Variants in LRP8 observed in about 807,000 individuals in gnomAD.
The protein encoded by LRP8 is LDL receptor related protein 8.
A neutral mutation model predicts 111.6 loss-of-function variants in LRP8; 46 were observed. That is an observed-to-expected ratio of 0.41 (90% CI 0.33 to 0.53). LRP8 has a LOEUF of 0.53. LRP8 is among the 20% of genes least tolerant of loss of function. The pLI is 0.20. For synonymous variants in LRP8, 464 were observed against 511.2 expected (o/e 0.91, Z 1.24); for missense variants, 959 against 1,297.4 (o/e 0.74, Z 4.01).
At chr1:53,267,698 C>G (rs1433976914) in intron 8 of LRP8, 2 of 152,134 alleles carry the variant, frequency 1.3e-5, no homozygotes, top group Non-Finnish European at 2.9e-5. Flanking sequence ...CTGTATTTTT[C>G]TTAGATTTAG....
chr1:53,280,831 G>A, intron 3 of LRP8, 116 bp from the exon 4 acceptor site: 1 of 1,288,678 alleles, frequency 7.8e-7, no homozygotes, highest in Non-Finnish European at 1.1e-6. Flanking sequence ...GTCCATCAGG[G>A]CTCTTCTGGC....
At chr1:53,315,882 G>A (rs1325129465) in intron 2 of LRP8, among the ~76,000 whole-genome samples, 1 of 152,222 alleles carries the variant, frequency 6.6e-6, no homozygotes, top group African/African-American at 2.4e-5. Context: ...AAGGGATCAG[G>A]CCTCTGTCAC....
Position 53,250,753 on chromosome 1 carries a change from T to C in LRP8, c.2613A>G (p.Glu871=). The C allele has an allele frequency of 1.2e-6, 2 of 1,614,174 alleles. No homozygotes were observed. The highest frequency in any genetic ancestry group is 1.7e-6 in the Non-Finnish European group (2 of 1,180,002). The change falls in exon 17 of 19, where the codon GAA becomes GAG. Residue 871 remains glutamate, a synonymous_variant. Transcript: ENST00000306052. The surrounding 1 kb of genome is among the most constrained non-coding windows in gnomAD (Gnocchi z 4.6). ...FDNPVYRKTT[E]EEDEDELHIG... The stretch of plus-strand genomic sequence containing the variant: ...TATGGAGCTCATCTTCGTCTTCTTC[T>C]TCTGTTGTTTTCCTGTAGACTGGGT...
chr1:53,302,490 G>A (rs1572626117), intron 2 of LRP8, among the ~76,000 whole-genome samples: 4 of 152,202 alleles, frequency 2.6e-5, no homozygotes, highest in Middle Eastern at 3.4e-3. Context: ...GATGAGTGAC[G>A]TCACCACCCC....
Position 53,295,219 on chromosome 1 carries a change from G to T in LRP8, c.245-5530C>A, listed in dbSNP as rs115338200. 3.0e-3 allele frequency among the ~76,000 whole-genome samples: 459 copies of T among 152,324 alleles called. 3 individuals carry two copies. Among genetic ancestry groups the T allele is most frequent in the African/African-American group, 0.01 (422 of 41,570 alleles). On this transcript the variant is annotated intron_variant, in intron 2 of 18. Transcript: ENST00000306052. Reference sequence around the variant, plus strand: ...GGAGGGGCACTGTGTTCAAGGAAGAGGAGTCAGCCAAGCTGTGGGAGTGAA... The same window carrying T: ...GGAGGGGCACTGTGTTCAAGGAAGATGAGTCAGCCAAGCTGTGGGAGTGAA...
intron 2 of LRP8, among the ~76,000 whole-genome samples, chr1:53,312,356 A>C (rs1441249944): frequency 6.6e-6 from 1 of 152,178 alleles, no homozygotes; most frequent in Non-Finnish European, 1.5e-5. Context: ...GGAAGAAATC[A>C]GTCTTTTCTT....
At chr1:53,318,287 C>G (rs544554877) in intron 2 of LRP8, among the ~76,000 whole-genome samples, 1 of 151,732 alleles carries the variant, frequency 6.6e-6, no homozygotes, top group Non-Finnish European at 1.5e-5. Flanking sequence ...GCCAGAACAC[C>G]GCTCGTTGTT....
chr1:53,291,207 C>T (rs974779607), intron 2 of LRP8, among the ~76,000 whole-genome samples: 10 of 152,108 alleles, frequency 6.6e-5, no homozygotes, highest in East Asian at 5.8e-4. Flanking sequence ...ACCAGGAGGC[C>T]CAGAAATGAA....
At chr1:53,321,191 C>T (rs958690784) in intron 2 of LRP8, among the ~76,000 whole-genome samples, 5 of 152,154 alleles carry the variant, frequency 3.3e-5, no homozygotes, top group African/African-American at 9.7e-5. Context: ...TCTGCAACTG[C>T]GGGAAGAAAA....
chr1:53,262,429 G>A lies in LRP8; in HGVS notation c.1774+17C>T. ...GGCACTAGAATAGGCCCCCAACCCA[G>A]GAAAGGCAGGGCTCACCCAGGGTGA... On this transcript the variant is annotated intron_variant, in intron 11 of 18. Transcript: ENST00000306052. The surrounding 1 kb of genome is among the most constrained non-coding windows in gnomAD (Gnocchi z 4.8). 1 of 1,611,666 alleles carries A rather than the reference G, an allele frequency of 6.2e-7. No individual in the cohort carries two copies. Among genetic ancestry groups the A allele is most frequent in the Non-Finnish European group, 8.5e-7 (1 of 1,178,376 alleles).
chr1:53,283,334 T>C (rs1424776138), intron 3 of LRP8, among the ~76,000 whole-genome samples: 1 of 152,050 alleles, frequency 6.6e-6, no homozygotes, highest in Non-Finnish European at 1.5e-5. Flanking sequence ...CAAATGTCTG[T>C]TGTAAGGTAA....
intron 3 of LRP8, among the ~76,000 whole-genome samples, chr1:53,284,220 C>CACTTACCTACTACATACCCGGGCCGCTT (rs1647233725): frequency 7.3e-6 from 1 of 136,786 alleles, no homozygotes; most frequent in African/African-American, 2.7e-5. Flanking sequence ...ATACCCGGGC[C>CACTTACCTACTACATACCCGGGCCGCTT]ACTTACCTAC....
At chr1:53,253,868 C>T (rs1645980816) in intron 16 of LRP8, among the ~76,000 whole-genome samples, 1 of 152,132 alleles carries the variant, frequency 6.6e-6, no homozygotes. Context: ...TCCAACATGC[C>T]CCTATCATAG....
intron 2 of LRP8, among the ~76,000 whole-genome samples, chr1:53,326,488 A>G (rs1655142617): frequency 6.6e-6 from 1 of 152,166 alleles, no homozygotes; most frequent in African/African-American, 2.4e-5. Context: ...TGGAACTTTG[A>G]AACACGCGCG....
At position 53,327,804 on chromosome 1, in the gene LRP8, G is replaced by C. The variant is rs1282281410; in HGVS notation, c.109C>G (p.Leu37Val). 6.6e-7 allele frequency: 1 copy of C among 1,512,720 alleles called. No individual in the cohort carries two copies. The highest frequency in any genetic ancestry group is 2.6e-5 in the East Asian group (1 of 37,896). 93.7% of individuals were successfully genotyped at this position (1,512,720 alleles called of 1,614,324 possible). ...QHLAAAAADP[L>V]LGGQGPAKDC... Reference sequence around the variant, plus strand: ...CTGCACGCACCTTGGCCGCCGAGCAGCGGATCAGCCGCTGCCGCCGCAAGA... The same window carrying C: ...CTGCACGCACCTTGGCCGCCGAGCACCGGATCAGCCGCTGCCGCCGCAAGA... Residue 37 changes from leucine to valine, a missense_variant, in exon 1 of 19, where the codon CTG becomes GTG. By Grantham distance (32) the Leu-to-Val change is conservative. Transcript: ENST00000306052.
intron 2 of LRP8, among the ~76,000 whole-genome samples, chr1:53,325,026 T>C (rs1180867968): frequency 1.3e-5 from 2 of 152,232 alleles, no homozygotes; most frequent in Admixed American, 6.5e-5. Flanking sequence ...ACAGTTGTTA[T>C]AAAGAGCCAG....
chr1:53,324,164 T>C (rs1327022262), intron 2 of LRP8, among the ~76,000 whole-genome samples: 1 of 152,158 alleles, frequency 6.6e-6, no homozygotes, highest in Non-Finnish European at 1.5e-5. Context: ...GCAGATTTTG[T>C]TATCCCAGCA....
rs772629918 is a variant in LRP8 at position 53,327,901 on chromosome 1, G to C, written c.12C>G (p.Pro4=). The C allele has an allele frequency of 2.1e-3, 3,011 of 1,440,794 alleles. 5 individuals are homozygous for C. The highest frequency in any genetic ancestry group is 2.6e-3 in the Non-Finnish European group (2,840 of 1,096,454). The allele number at this position is 1,440,794 out of a possible 1,614,324, so 89.3% of individuals were successfully genotyped here. A position where few individuals can be genotyped will look rare whatever the true frequency, so the allele number is the denominator to read the frequency against. MGL[P]EPGPLRLLAL... Reference sequence around the variant, plus strand: ...CCAGAAGCCGGAGAGGGCCCGGCTCGGGGAGGCCCATGGCGGGCCCGGGGC... The same window carrying C: ...CCAGAAGCCGGAGAGGGCCCGGCTCCGGGAGGCCCATGGCGGGCCCGGGGC... Residue 4 remains proline (P), a synonymous_variant, in exon 1 of 19, where the codon CCC becomes CCG. Coordinates refer to ENST00000306052, the MANE Select transcript of LRP8 (RefSeq NM_004631.5).
intron 3 of LRP8, among the ~76,000 whole-genome samples, chr1:53,286,225 C>T (rs969807574): frequency 1.5e-4 from 23 of 152,192 alleles, no homozygotes; most frequent in African/African-American, 5.5e-4. Context: ...AGCATGGGGC[C>T]ACCCAAGGTG....
Sources: gnomAD v4.1 joint callset for allele counts (sites outside exome capture counted in the v4.1 genomes callset) on GRCh38, gnomAD v4.1.1 for gene constraint, Gnocchi (gnomAD v3.1) non-coding constraint, MANE v1.5 for transcripts, NCBI Gene and HGNC (gene_info 2026-07-23, HGNC 2026-07-21) for gene names.